STS: variants seen among roughly 807,000 people sequenced by gnomAD.
The protein encoded by STS is steryl-sulfatase.
A neutral mutation model predicts 26.8 loss-of-function variants in STS; 7 were observed. That is an observed-to-expected ratio of 0.26 (90% CI 0.15 to 0.49). The LOEUF (loss-of-function observed/expected upper bound fraction) is 0.49, where lower values mean the gene tolerates loss of function less well. Among genes scored for constraint, STS ranks in the 20% least tolerant of loss-of-function variants. The pLI is 0.98. For missense variants in STS, 434 were observed against 465.6 expected (o/e 0.93, Z 0.63); for synonymous variants, 199 against 189.4 (o/e 1.05, Z -0.42).
chrX:7,233,871 AGAGCAGCT>A (rs778608016), intron 2 of STS, among the ~76,000 whole-genome samples: 1 of 111,940 alleles, frequency 8.9e-6, no homozygotes, highest in African/African-American at 3.2e-5. Flanking sequence ...GCTCATCCAC[AGAGCAGCT>A]GAGCCAAGAT....
Position 7,333,982 on chromosome X carries a change from A to T in STS, c.1242-4A>T. The T allele has an allele frequency of 8.3e-7, 1 of 1,211,364 alleles. No individual in the cohort carries two copies. Among genetic ancestry groups the T allele is most frequent in the Non-Finnish European group, 1.1e-6 (1 of 895,267 alleles). On this transcript the variant is annotated splice_region_variant and splice_polypyrimidine_tract_variant and intron_variant, in intron 9 of 10. Coordinates refer to ENST00000674429, the MANE Select transcript of STS (RefSeq NM_001320752.2). ...GTCTTGATGCCTGGCTGTTTATCCC[A>T]CAGGATCATTGATGGACGTGATCTG...
chrX:7,286,626 A>G (rs906003512), intron 7 of STS, among the ~76,000 whole-genome samples: 6 of 111,697 alleles, frequency 5.4e-5, no homozygotes, highest in Non-Finnish European at 1.1e-4. Context: ...GAAAACATCT[A>G]GGAGGTGATG....
chrX:7,304,849 A>G (rs1383115706), intron 7 of STS, among the ~76,000 whole-genome samples, 197 bp from the exon 8 acceptor site: 1 of 111,689 alleles, frequency 9.0e-6, no homozygotes, highest in Non-Finnish European at 1.9e-5. Flanking sequence ...CACTCAAGTC[A>G]ATGAATCTTG....
intron 2 of STS, among the ~76,000 whole-genome samples, chrX:7,205,506 G>A (rs1309470296): frequency 8.9e-6 from 1 of 111,941 alleles, no homozygotes; most frequent in East Asian, 2.8e-4. Context: ...TGTATTCACT[G>A]ACTTTATTCA....
intron 2 of STS, among the ~76,000 whole-genome samples, chrX:7,204,483 C>T (rs12859474): frequency 0.3 from 30,263 of 101,639 alleles, 3,446 homozygotes; most frequent in Admixed American, 0.44. Flanking sequence ...TTTCCTTCCT[C>T]CCTCCCTTCC....
chrX:7,259,527 C>T lies in STS; in HGVS notation c.561C>T (p.Ile187=), dbSNP rs755543529. 3 of 1,211,670 alleles carry T rather than the reference C, an allele frequency of 2.5e-6. No individual in the cohort carries two copies. Among genetic ancestry groups the T allele is most frequent in the Admixed American group, 2.2e-5 (1 of 46,076 alleles). ...FKRLVFLPLQ[I]VGVTLLTLAA... is the part of the protein sequence containing the mutation. ...GGCTGGTCTTCCTCCCCCTGCAGAT[C>T]GTCGGGGTCACCCTCCTTACCCTTG... Residue 187 remains isoleucine (I), a synonymous_variant, in exon 6 of 11, where the codon ATC becomes ATT. Transcript: ENST00000674429.
chrX:7,160,157 T>A (rs1163772371), intron 1 of STS, among the ~76,000 whole-genome samples: 8 of 112,346 alleles, frequency 7.1e-5, no homozygotes, highest in African/African-American at 2.3e-4. Flanking sequence ...TTACTTTAGT[T>A]GCACTGCTTC....
intron 2 of STS, among the ~76,000 whole-genome samples, chrX:7,205,274 G>C (rs757782768): frequency 8.9e-6 from 1 of 112,449 alleles, no homozygotes; most frequent in South Asian, 3.7e-4. Flanking sequence ...GGAAGAGAAA[G>C]AATGGGAATG....
In STS at chrX:7,259,595, T is replaced by G; in HGVS notation, c.629T>G (p.Val210Gly). The G allele has an allele frequency of 8.3e-7, 1 of 1,211,306 alleles. No individual in the cohort carries two copies. Among genetic ancestry groups the G allele is most frequent in the Non-Finnish European group, 1.1e-6 (1 of 895,351 alleles). The change falls in exon 6 of 11, where the codon GTT becomes GGT. Residue 210 changes from valine (V) to glycine (G), a missense_variant. Physicochemically the swap from Val to Gly is moderately radical, Grantham distance 109. This residue lies in a region of STS where 229 missense variants were observed against 288.3 expected (regional missense o/e 0.79). Coordinates refer to ENST00000674429, the MANE Select transcript of STS (RefSeq NM_001320752.2). Reference sequence around the variant, plus strand: ...GGGCTACTCCACGTGCCTCTAGGCGTTTTTTTCAGCCTTCTCTTCCTAGCA... The same window carrying G: ...GGGCTACTCCACGTGCCTCTAGGCGGTTTTTTCAGCCTTCTCTTCCTAGCA... ...CLGLLHVPLG[V>G]FFSLLFLAAL...
chrX:7,184,082 A>G (rs1933731388), intron 1 of STS, among the ~76,000 whole-genome samples: 1 of 112,467 alleles, frequency 8.9e-6, no homozygotes, highest in African/African-American at 3.2e-5. Flanking sequence ...AACAAGCCAA[A>G]AAGTGGCTTG....
At chrX:7,157,888 T>A (rs1052699133) in intron 1 of STS, among the ~76,000 whole-genome samples, 1 of 111,631 alleles carries the variant, frequency 9.0e-6, no homozygotes, top group Non-Finnish European at 1.9e-5. Context: ...AACAGGATAC[T>A]CATTTGACAG....
At chrX:7,204,357 A>G (rs1446764590) in intron 2 of STS, among the ~76,000 whole-genome samples, 2 of 111,332 alleles carry the variant, frequency 1.8e-5, no homozygotes, top group Non-Finnish European at 3.8e-5. Context: ...TTTCCTGGTG[A>G]GGTTGAACAT....
At chrX:7,239,639 A>C (rs188912777) in intron 2 of STS, among the ~76,000 whole-genome samples, 1 of 112,238 alleles carries the variant, frequency 8.9e-6, no homozygotes, top group African/African-American at 3.2e-5. Flanking sequence ...AAGTTTGTTC[A>C]GAAAAATAAT....
chrX:7,151,944 G>A (rs1312276258), intron 1 of STS, among the ~76,000 whole-genome samples: 2 of 111,191 alleles, frequency 1.8e-5, no homozygotes. Context: ...TATTATTATC[G>A]TTATTTTATT....
intron 7 of STS, among the ~76,000 whole-genome samples, chrX:7,289,404 A>G (rs897466432): frequency 2.7e-5 from 3 of 111,661 alleles, no homozygotes; most frequent in African/African-American, 6.5e-5. Flanking sequence ...CTCAGGTGCT[A>G]CCATTCCCAC....
At chrX:7,230,911 G>A (rs779096239) in intron 2 of STS, among the ~76,000 whole-genome samples, 10 of 111,999 alleles carry the variant, frequency 8.9e-5, no homozygotes, top group South Asian at 7.5e-4. Context: ...TGTTTATGCC[G>A]ATATTATCAG....
At chrX:7,148,135 G>A (rs1185144943) in intron 1 of STS, 52 bp downstream of exon 1, 1 of 1,090,284 alleles carries the variant, frequency 9.2e-7, no homozygotes, top group East Asian at 3.9e-5. Flanking sequence ...CTGGGTCTGG[G>A]TGGGGGCGAG....
At chrX:7,348,283 G>T (rs1316534694) in intron 10 of STS, among the ~76,000 whole-genome samples, 2 of 112,033 alleles carry the variant, frequency 1.8e-5, no homozygotes, top group Non-Finnish European at 3.8e-5. Flanking sequence ...GTGACTGTTG[G>T]TTTAAACCGA....
chrX:7,303,329 A>G (rs182343888), intron 7 of STS, among the ~76,000 whole-genome samples: 37 of 111,380 alleles, frequency 3.3e-4, no homozygotes, highest in Non-Finnish European at 5.7e-4. Context: ...GTGTGTCTTT[A>G]TTAGCAACGT....
Sources: gnomAD v4.1 joint callset for allele counts (sites outside exome capture counted in the v4.1 genomes callset) on GRCh38, gnomAD v4.1.1 for gene constraint, gnomAD v4.1.1 regional missense constraint, MANE v1.5 for transcripts, NCBI Gene and HGNC (gene_info 2026-07-23, HGNC 2026-07-21) for gene names.